The following ENTHD1 variants were observed in gnomAD, a reference collection of about 807,000 sequenced individuals.
ENTHD1 encodes the protein ENTH domain containing 1.
Under a neutral mutation model 39.1 loss-of-function variants are expected in ENTHD1, and 23 were observed. The observed-to-expected ratio is 0.59, with a 90% CI of 0.42 to 0.83. ENTHD1 has a LOEUF of 0.83. ENTHD1 is among the 40% of genes least tolerant of loss of function. ENTHD1 has a pLI of 0.00. For synonymous variants in ENTHD1, 230 were observed against 258.2 expected (o/e 0.89, Z 1.05); for missense variants, 624 against 705.4 (o/e 0.88, Z 1.31).
chr22:39,750,504 TAAA>T (rs58031726), intron 6 of ENTHD1: 1 of 150,226 alleles, frequency 6.7e-6, no homozygotes, highest in Non-Finnish European at 1.5e-5. Context: ...AAGCTGCAAT[TAAA>T]AAAAAAATAG....
intron 3 of ENTHD1, among the ~76,000 whole-genome samples, chr22:39,851,015 G>A (rs1008755725): frequency 1.3e-5 from 2 of 152,114 alleles, no homozygotes; most frequent in South Asian, 2.1e-4. Context: ...CTTTAATGCA[G>A]GTCTCATGGT....
intron 2 of ENTHD1, among the ~76,000 whole-genome samples, chr22:39,869,829 G>A (rs907423780): frequency 4.0e-5 from 6 of 151,500 alleles, no homozygotes; most frequent in African/African-American, 1.5e-4. Context: ...AACAAAGGCA[G>A]ATATGAAACA....
chr22:39,795,893 T>C (rs1388311612), intron 5 of ENTHD1, among the ~76,000 whole-genome samples: 1 of 152,194 alleles, frequency 6.6e-6, no homozygotes, highest in African/African-American at 2.4e-5. Context: ...TGATCTTTTA[T>C]GGTTCTGTGG....
At chr22:39,809,937 G>A (rs1026887283) in intron 5 of ENTHD1, among the ~76,000 whole-genome samples, 3 of 152,162 alleles carry the variant, frequency 2.0e-5, no homozygotes, top group African/African-American at 7.2e-5. Context: ...AGGATGTGTG[G>A]TGGTGGTTAA....
intron 2 of ENTHD1, among the ~76,000 whole-genome samples, chr22:39,878,496 A>C (rs1478433969): frequency 7.3e-6 from 1 of 137,084 alleles, no homozygotes; most frequent in African/African-American, 2.6e-5. Flanking sequence ...TTTTTTTTTC[A>C]AAAAAAAAAA....
intron 3 of ENTHD1, among the ~76,000 whole-genome samples, chr22:39,851,011 T>G (rs1378404816): frequency 6.6e-6 from 1 of 152,226 alleles, no homozygotes; most frequent in Non-Finnish European, 1.5e-5. Flanking sequence ...TACCCTTTAA[T>G]GCAGGTCTCA....
chr22:39,758,098 A>AT (rs2065199191), intron 6 of ENTHD1, among the ~76,000 whole-genome samples: 1 of 152,156 alleles, frequency 6.6e-6, no homozygotes, highest in African/African-American at 2.4e-5. Context: ...GGGACAATAC[A>AT]TTTTTTATGC....
At chr22:39,870,642 G>T (rs984118010) in intron 2 of ENTHD1, among the ~76,000 whole-genome samples, 1 of 152,202 alleles carries the variant, frequency 6.6e-6, no homozygotes, top group Non-Finnish European at 1.5e-5. Context: ...CCTTCTTTGG[G>T]TTTATAATAG....
intron 3 of ENTHD1, among the ~76,000 whole-genome samples, chr22:39,849,091 T>A (rs2146700977): frequency 6.6e-6 from 1 of 152,284 alleles, no homozygotes; most frequent in South Asian, 2.1e-4. Context: ...TACCACAGTG[T>A]CATGATCAGT....
At chr22:39,766,518 T>C (rs2065278755) in intron 5 of ENTHD1, among the ~76,000 whole-genome samples, 1 of 152,166 alleles carries the variant, frequency 6.6e-6, no homozygotes, top group Non-Finnish European at 1.5e-5. Context: ...GAAAGACCGT[T>C]ATTTTTATGA....
At chr22:39,752,138 A>G (rs1208335591) in intron 6 of ENTHD1, among the ~76,000 whole-genome samples, 1 of 152,110 alleles carries the variant, frequency 6.6e-6, no homozygotes, top group Non-Finnish European at 1.5e-5. Flanking sequence ...TATACTATAT[A>G]CTATATACTT....
At chr22:39,890,138 AT>A (rs1460272573) in intron 1 of ENTHD1, among the ~76,000 whole-genome samples, 5 of 149,944 alleles carry the variant, frequency 3.3e-5, no homozygotes, top group South Asian at 2.1e-4. Flanking sequence ...AAATAAATAA[AT>A]AAATAAATAA....
At chr22:39,838,274 G>T (rs1219939364) in intron 3 of ENTHD1, among the ~76,000 whole-genome samples, 1 of 152,046 alleles carries the variant, frequency 6.6e-6, no homozygotes, top group Non-Finnish European at 1.5e-5. Flanking sequence ...TACTCCTTAT[G>T]ACTGTTTAAC....
chr22:39,778,247 A>C (rs1383641496), intron 5 of ENTHD1, among the ~76,000 whole-genome samples: 1 of 152,160 alleles, frequency 6.6e-6, no homozygotes, highest in Non-Finnish European at 1.5e-5. Flanking sequence ...GAATGTCAAC[A>C]AACCAGGTGC....
intron 1 of ENTHD1, among the ~76,000 whole-genome samples, chr22:39,890,129 A>G (rs906113703): frequency 1.1e-4 from 16 of 150,470 alleles, no homozygotes; most frequent in African/African-American, 3.6e-4. Flanking sequence ...TAAATAAATA[A>G]ATAAATAAAT....
At chr22:39,784,578 ACAC>A (rs1023097764) in intron 5 of ENTHD1, among the ~76,000 whole-genome samples, 1 of 151,346 alleles carries the variant, frequency 6.6e-6, no homozygotes, top group Non-Finnish European at 1.5e-5. Flanking sequence ...ACACACACAC[ACAC>A]ACTAGAATAT....
chr22:39,863,379 A>G (rs2066159418), intron 2 of ENTHD1, among the ~76,000 whole-genome samples: 1 of 152,206 alleles, frequency 6.6e-6, no homozygotes, highest in Non-Finnish European at 1.5e-5. Context: ...AGAGTGACAG[A>G]GCACAGTCAA....
intron 3 of ENTHD1, among the ~76,000 whole-genome samples, chr22:39,858,909 T>C (rs188637697): frequency 6.6e-6 from 1 of 152,338 alleles, no homozygotes; most frequent in African/African-American, 2.4e-5. Flanking sequence ...TTCTCCTCTC[T>C]AGCTATGAGA....
chr22:39,791,290 A>G (rs1010536158), intron 5 of ENTHD1, among the ~76,000 whole-genome samples: 1 of 148,174 alleles, frequency 6.7e-6, no homozygotes, highest in Admixed American at 6.8e-5. Context: ...TTTAGACTAT[A>G]TAGTTAGACT....
Sources: gnomAD v4.1 joint callset for allele counts (sites outside exome capture counted in the v4.1 genomes callset) on GRCh38, gnomAD v4.1.1 for gene constraint, MANE v1.5 for transcripts, NCBI Gene and HGNC (gene_info 2026-07-23, HGNC 2026-07-21) for gene names.